The following MATR3 variants were observed in gnomAD, a reference collection of about 807,000 sequenced individuals.
MATR3 encodes the protein matrin-3.
In MATR3, 4 loss-of-function variants were observed where a neutral mutation model predicts 85.5. The observed-to-expected ratio is 0.05, with a 90% CI of 0.02 to 0.11. MATR3 has a LOEUF of 0.11. MATR3 is among the 10% of genes least tolerant of loss of function. MATR3 has a pLI of 1.00. For missense variants in MATR3, 685 were observed against 1,016.1 expected (o/e 0.67, Z 4.43); for synonymous variants, 336 against 343.1 (o/e 0.98, Z 0.23).
At chr5:139,322,574 T>C (rs767579540) in intron 11 of MATR3, 24 bp from the exon 12 acceptor site, 11 of 1,584,046 alleles carry the variant, frequency 6.9e-6, no homozygotes, top group Non-Finnish European at 7.8e-6. Context: ...ACAAATTAAT[T>C]GTGGTGTGTC....
At chr5:139,310,365 T>C (rs1425796506) in intron 2 of MATR3, 1 of 152,212 alleles carries the variant, frequency 6.6e-6, no homozygotes, top group Non-Finnish European at 1.5e-5. Flanking sequence ...AATGTGTAAA[T>C]TGGACCAACT....
chr5:139,327,728 A>G (rs1003139243), intron 14 of MATR3, among the ~76,000 whole-genome samples: 2 of 151,678 alleles, frequency 1.3e-5, no homozygotes, highest in Admixed American at 6.6e-5. Context: ...CCCTGGTACA[A>G]ATATTTTTAT....
chr5:139,310,093 A>G (rs1051759956), intron 2 of MATR3: 12 of 152,184 alleles, frequency 7.9e-5, no homozygotes, highest in African/African-American at 2.4e-4. Flanking sequence ...TTTATGTATG[A>G]TTATGCTTTT....
rs761367865 is a variant in MATR3 at position 139,316,134 on chromosome 5, C to G, written c.1075C>G (p.Pro359Ala). ...TNPAPGILGP[P>A]PPSFHLGGPA... ...TCCAGCACCAGGAATTCTGGGACCT[C>G]CACCTCCCTCATTTCATCTTGGGGG... The change falls in exon 5 of 15, where the codon CCA becomes GCA. Residue 359 changes from proline (P) to alanine (A), a missense_variant. Physicochemically the swap from Pro to Ala is conservative, Grantham distance 27. This residue lies in a region of MATR3 where 223 missense variants were observed against 334.4 expected (regional missense o/e 0.67). Coordinates refer to ENST00000394805, the MANE Select transcript of MATR3 (RefSeq NM_018834.6). 1.9e-6 allele frequency: 3 copies of G among 1,613,964 alleles called. No homozygotes were observed. The highest frequency in any genetic ancestry group is 2.5e-6 in the Non-Finnish European group (3 of 1,180,006).
At chr5:139,293,995 G>A in intron 1 of MATR3, 190 bp downstream of exon 1, 1 of 1,282,510 alleles carries the variant, frequency 7.8e-7, no homozygotes, top group Non-Finnish European at 9.9e-7. Flanking sequence ...TAGGAGCGCA[G>A]TGGCGGCGCA....
chr5:139,288,503 C>T (rs1437670871), intron 3 of MATR3, among the ~76,000 whole-genome samples: 1 of 152,158 alleles, frequency 6.6e-6, no homozygotes, highest in Non-Finnish European at 1.5e-5. Context: ...TAGTTGAGAA[C>T]AAGATCAGTT....
At chr5:139,326,466 G>A (rs1382642566) in intron 14 of MATR3, among the ~76,000 whole-genome samples, 182 bp downstream of exon 14, 16 of 149,564 alleles carry the variant, frequency 1.1e-4, no homozygotes. Flanking sequence ...TGTTGCCCAG[G>A]TTGGATTGCA....
At chr5:139,277,365 T>G (rs1753324492) in intron 2 of MATR3, among the ~76,000 whole-genome samples, 3 of 152,068 alleles carry the variant, frequency 2.0e-5, no homozygotes, top group Admixed American at 1.3e-4. Context: ...AGTGACATAC[T>G]AGTTTCCACA....
At chr5:139,284,474 G>A (rs1753638824) in intron 3 of MATR3, among the ~76,000 whole-genome samples, 1 of 152,082 alleles carries the variant, frequency 6.6e-6, no homozygotes, top group Non-Finnish European at 1.5e-5. Flanking sequence ...TGGGTGTTGT[G>A]GTGTATGCCT....
chr5:139,315,425 C>T (rs948767512), intron 3 of MATR3: 5 of 378,532 alleles, frequency 1.3e-5, no homozygotes, highest in South Asian at 6.0e-5. Flanking sequence ...GCGGCACTTC[C>T]TCCTTACAAT....
At chr5:139,277,665 A>G (rs978067947) in intron 2 of MATR3, among the ~76,000 whole-genome samples, 1 of 151,370 alleles carries the variant, frequency 6.6e-6, no homozygotes, top group African/African-American at 2.4e-5. Flanking sequence ...GCAGCATTCT[A>G]TTTCCATCTC....
In MATR3 at chr5:139,325,609, A is replaced by C. The variant is rs368217486; in HGVS notation, c.2318A>C (p.Tyr773Ser). ...CAAAGTGATGAGAACAAGGACGACT[A>C]TACAATCCCAGATGAGTATAGAATT... ...DGQSDENKDD[Y>S]TIPDEYRIGP... is the part of the protein sequence containing the mutation. Residue 773 changes from tyrosine (Y) to serine (S), a missense_variant, in exon 13 of 15, where the codon TAT becomes TCT. This residue lies in a region of MATR3 where 215 missense variants were observed against 194.7 expected (regional missense o/e 1.10). Coordinates refer to ENST00000394805, the MANE Select transcript of MATR3 (RefSeq NM_018834.6). 1.4e-5 allele frequency: 23 copies of C among 1,614,230 alleles called. No individual in the cohort carries two copies. Among genetic ancestry groups the C allele is most frequent in the South Asian group, 1.3e-4 (12 of 91,082 alleles).
intron 1 of MATR3, among the ~76,000 whole-genome samples, chr5:139,275,665 G>A (rs921164751): frequency 6.6e-6 from 1 of 152,118 alleles, no homozygotes; most frequent in African/African-American, 2.4e-5. Flanking sequence ...ATTCAGCTTG[G>A]TGTGCTCGCT....
At chr5:139,318,729 G>A (rs958761177) in intron 7 of MATR3, among the ~76,000 whole-genome samples, 179 bp from the exon 8 acceptor site, 1 of 152,274 alleles carries the variant, frequency 6.6e-6, no homozygotes, top group Non-Finnish European at 1.5e-5. Context: ...ACAGGCATGA[G>A]ATACTGGGCC....
chr5:139,326,167 A>G lies in MATR3; in HGVS notation c.2376A>G (p.Ile792Met). ...GPYQPNVPVG[I>M]DYVIPKTGFY... Reference sequence around the variant, plus strand: ...AATGTATGTTTGTATTTCTAGGTATAGACTATGTGATACCTAAAACAGGGT... The same window carrying G: ...AATGTATGTTTGTATTTCTAGGTATGGACTATGTGATACCTAAAACAGGGT... The change falls in exon 14 of 15, where the codon ATA (isoleucine) becomes ATG (methionine). Residue 792 changes from isoleucine (I) to methionine (M), a missense_variant. Ile to Met is a conservative substitution (Grantham distance 10, BLOSUM62 1). Coordinates refer to ENST00000394805, the MANE Select transcript of MATR3 (RefSeq NM_018834.6). The G allele has an allele frequency of 6.3e-7, 1 of 1,598,392 alleles. No homozygotes were observed. The highest frequency in any genetic ancestry group is 1.3e-5 in the African/African-American group (1 of 74,714).
chr5:139,315,922 ATTGT>A (rs1359183143), intron 4 of MATR3, 150 bp from the exon 5 acceptor site: 1 of 759,974 alleles, frequency 1.3e-6, no homozygotes, highest in East Asian at 2.7e-5. Context: ...GTATTCTTTT[ATTGT>A]TAATGTAGAC....
At chr5:139,321,859 A>C (rs1290474789) in intron 9 of MATR3, 39 bp from the exon 10 acceptor site, 23 of 1,603,638 alleles carry the variant, frequency 1.4e-5, no homozygotes, top group Non-Finnish European at 2.0e-5. Context: ...ATTTTGTAAA[A>C]TATAATGTGC....
intron 3 of MATR3, chr5:139,280,774 G>A (rs1023040306): frequency 2.0e-5 from 3 of 152,162 alleles, no homozygotes; most frequent in Admixed American, 2.0e-4. Context: ...TTGTCTTCCT[G>A]ACTACAGTAG....
chr5:139,305,672 TAA>T (rs1465349101), intron 1 of MATR3, among the ~76,000 whole-genome samples: 1 of 152,192 alleles, frequency 6.6e-6, no homozygotes, highest in Non-Finnish European at 1.5e-5. Context: ...TTATTAATCT[TAA>T]AGCTTAAGTA....
Sources: allele counts gnomAD v4.1 joint callset (sites outside exome capture counted in the v4.1 genomes callset), GRCh38; gene constraint gnomAD v4.1.1; regional missense constraint gnomAD v4.1.1; transcripts MANE v1.5; gene names NCBI Gene and HGNC (gene_info 2026-07-23, HGNC 2026-07-21).